SNX31: variants seen among roughly 807,000 people sequenced by gnomAD.
SNX31 encodes sorting nexin-31.
In SNX31, 58 loss-of-function variants were observed where a neutral mutation model predicts 65.4. That is an observed-to-expected ratio of 0.89 (90% CI 0.72 to 1.10). SNX31 has a LOEUF of 1.10. SNX31 is among the 50% of genes least tolerant of loss of function. The pLI is 0.00. For synonymous variants in SNX31, 181 were observed against 190.1 expected, an observed-to-expected ratio of 0.95 and a Z score of 0.39; for missense variants, 523 against 529.7, an observed-to-expected ratio of 0.99 and a Z score of 0.12.
Position 100,630,229 on chromosome 8 carries a change from CTG to C in SNX31, c.321+96_321+97del. On this transcript the variant is annotated intron_variant, in intron 4 of 13. Transcript: ENST00000311812. The surrounding 1 kb of genome is among the most constrained non-coding windows in gnomAD (Gnocchi z 5.3). Reference sequence around the variant, plus strand: ...TTGTCCAAGTCCAGGCTCTGTGGGGCTGTGACCAGTGCACACATGTGTGTGTA... The same window carrying C: ...TTGTCCAAGTCCAGGCTCTGTGGGGCTGACCAGTGCACACATGTGTGTGTA... The C allele has an allele frequency of 9.4e-7, 1 of 1,066,240 alleles. No individual in the cohort carries two copies. Among genetic ancestry groups the C allele is most frequent in the Middle Eastern group, 2.1e-4 (1 of 4,876 alleles). The allele number at this position is 1,066,240 out of a possible 1,614,324, so 66.0% of individuals were successfully genotyped here. A position where few individuals can be genotyped will look rare whatever the true frequency, so the allele number is the denominator to read the frequency against.
intron 8 of SNX31, among the ~76,000 whole-genome samples, chr8:100,603,522 G>A (rs980549538): frequency 6.7e-6 from 1 of 149,124 alleles, no homozygotes; most frequent in South Asian, 2.1e-4. Flanking sequence ...TGCAACCTCC[G>A]CCTCCCGGGT....
intron 7 of SNX31, 128 bp from the exon 8 acceptor site, chr8:100,608,691 T>C: frequency 2.6e-6 from 2 of 758,898 alleles, no homozygotes; most frequent in Non-Finnish European, 4.5e-6. Flanking sequence ...AAGCCACACC[T>C]CCACTTGCCC....
Position 100,573,807 on chromosome 8 carries a change from A to C in SNX31, c.*58T>G. 1 of 1,252,392 alleles carries C rather than the reference A, an allele frequency of 8.0e-7. No individual in the cohort carries two copies. Among genetic ancestry groups the C allele is most frequent in the African/African-American group, 1.5e-5 (1 of 65,030 alleles). The allele number at this position is 1,252,392 out of a possible 1,614,324, so 77.6% of individuals were successfully genotyped here. ...GGTAGGTAGCCCACCTGAATCCCCA[A>C]GTTCTTTCACTGTCTTGAGATAGCC... On this transcript the variant is annotated 3_prime_UTR_variant, in exon 14 of 14. Coordinates refer to ENST00000311812, the MANE Select transcript of SNX31 (RefSeq NM_152628.4).
At chr8:100,600,474 C>A (rs778027885) in intron 8 of SNX31, 33 bp from the exon 9 acceptor site, 2 of 1,565,908 alleles carry the variant, frequency 1.3e-6, no homozygotes, top group South Asian at 2.3e-5. Flanking sequence ...AATTAGCAGT[C>A]TTAGCAGAAA....
chr8:100,604,980 C>A lies in SNX31; in HGVS notation c.681+3514G>T, dbSNP rs963738821. On this transcript the variant is annotated intron_variant, in intron 8 of 13. Coordinates refer to ENST00000311812, the MANE Select transcript of SNX31 (RefSeq NM_152628.4). This position sits in a 1 kb window ranked among gnomAD's most constrained non-coding sequence, Gnocchi z 4.3. The stretch of plus-strand genomic sequence containing the variant: ...GTGACATATTCTTGGCTCCCTGCAA[C>A]CTCTGCCTCCTGGGTTCAAGAGATT... Among the ~76,000 whole-genome samples, 1 of 151,982 alleles carries A rather than the reference C, an allele frequency of 6.6e-6. No homozygotes were observed. The highest frequency in any genetic ancestry group is 2.4e-5 in the African/African-American group (1 of 41,358).
intron 8 of SNX31, 139 bp downstream of exon 8, chr8:100,608,355 G>C (rs1816377487): frequency 1.4e-6 from 1 of 736,490 alleles, no homozygotes; most frequent in Non-Finnish European, 2.3e-6. Context: ...GGTAATCTCT[G>C]TTCTACTTTC....
Position 100,649,624 on chromosome 8 carries a change from A to G in SNX31, c.-110T>C, listed in dbSNP as rs1410042076. ...CGCAGCGCGGCCTGCCACGCGACTC[A>G]GAGCGAACCCCGGCGCCCGCTCTCG... On this transcript the variant is annotated 5_prime_UTR_variant, in exon 1 of 14. It removes the in-frame stop codon of an upstream open reading frame in the 5' UTR. Coordinates refer to ENST00000311812, the MANE Select transcript of SNX31 (RefSeq NM_152628.4). The G allele has an allele frequency of 5.5e-6, 6 of 1,095,206 alleles. No individual in the cohort carries two copies. Among genetic ancestry groups the G allele is most frequent in the Admixed American group, 2.8e-5 (1 of 36,344 alleles). 67.8% of individuals were successfully genotyped at this position (1,095,206 alleles called of 1,614,324 possible). A position where few individuals can be genotyped will look rare whatever the true frequency, so the allele number is the denominator to read the frequency against.
rs754688438 is a variant in SNX31, at chr8:100,617,706, T to G, written c.346A>C (p.Lys116Gln). ...QLNTFDIATK[K>Q]AYLDIFLPNE... ...GGCAGAAATATGTCCAGATAAGCTT[T>G]CTTGGTGGCGATGTCAAATGTATTC... is the stretch of plus-strand genomic sequence containing the variant. Residue 116 changes from lysine (K) to glutamine (Q), a missense_variant, in exon 5 of 14, where the codon AAA becomes CAA. Transcript: ENST00000311812. 6.8e-6 allele frequency: 11 copies of G among 1,613,302 alleles called. No individual in the cohort carries two copies. Among genetic ancestry groups the G allele is most frequent in the Admixed American group, 5.0e-5 (3 of 59,836 alleles).
At position 100,577,029 on chromosome 8, in the gene SNX31, T is replaced by G. The variant is rs138725410; in HGVS notation, c.1217A>C (p.Gln406Pro). 13 of 1,613,374 alleles carry G rather than the reference T, an allele frequency of 8.1e-6. No homozygotes were observed. Among genetic ancestry groups the G allele is most frequent in the Non-Finnish European group, 1.1e-5 (13 of 1,179,692 alleles). The change falls in exon 13 of 14, where the codon CAA becomes CCA. Residue 406 changes from glutamine to proline, a missense_variant. Transcript: ENST00000311812. Reference protein sequence around the residue: ...EQSKSKKYHIQQSQQKDYSSF... With the variant: ...EQSKSKKYHIPQSQQKDYSSF... ...ATTTTACTCACAGACCTGGCTTTGT[T>G]GAATGTGGTATTTTTTACTTTTGCT...
At chr8:100,628,618 A>G (rs1269487094) in intron 4 of SNX31, among the ~76,000 whole-genome samples, 1 of 152,136 alleles carries the variant, frequency 6.6e-6, no homozygotes, top group Non-Finnish European at 1.5e-5. Context: ...GAGGGATAGC[A>G]TTAGGATATA....
chr8:100,633,319 A>G (rs1382379159), intron 3 of SNX31, among the ~76,000 whole-genome samples: 2 of 152,176 alleles, frequency 1.3e-5, no homozygotes, highest in African/African-American at 2.4e-5. Context: ...TTATTGTATC[A>G]ATGTTGTTTC....
rs544911858 is a variant in SNX31, at chr8:100,624,870, T to G, written c.321+5457A>C. 2.6e-5 allele frequency among the ~76,000 whole-genome samples: 4 copies of G among 152,106 alleles called. No homozygotes were observed. The East Asian group carries it at 7.7e-4, about 29-fold the overall frequency. ...AGGCTGGAGTACAGTGGGCTGATCA[T>G]AGCTCACCGTAGCCTCAAAGCTCTG... is the stretch of plus-strand genomic sequence containing the variant. On this transcript the variant is annotated intron_variant, in intron 4 of 13. Transcript: ENST00000311812.
At chr8:100,621,353 G>A (rs369218136) in intron 4 of SNX31, among the ~76,000 whole-genome samples, 1 of 152,170 alleles carries the variant, frequency 6.6e-6, no homozygotes, top group African/African-American at 2.4e-5. Flanking sequence ...CTATATGGCT[G>A]CCCTAGCTCT....
intron 3 of SNX31, among the ~76,000 whole-genome samples, chr8:100,632,654 A>T (rs1231534710): frequency 6.6e-6 from 1 of 152,044 alleles, no homozygotes; most frequent in Admixed American, 6.5e-5. Context: ...CAGGGTCTCC[A>T]TCTGTCACCC....
chr8:100,630,394 G>C lies in SNX31; in HGVS notation c.257-3C>G. ...CAACACGTTTGGGTCCATGGTTACT[G>C]AAAAACATGGACGGTGAGCCAGGTT... On this transcript the variant is annotated splice_region_variant and splice_polypyrimidine_tract_variant and intron_variant, in intron 3 of 13. Transcript: ENST00000311812. The surrounding 1 kb of genome is among the most constrained non-coding windows in gnomAD (Gnocchi z 5.3). The C allele has an allele frequency of 6.2e-7, 1 of 1,611,208 alleles. No individual in the cohort carries two copies. Among genetic ancestry groups the C allele is most frequent in the Non-Finnish European group, 8.5e-7 (1 of 1,179,016 alleles).
upstream of SNX31, among the ~76,000 whole-genome samples, chr8:100,649,952 GT>G (rs1041313047): frequency 5.9e-5 from 9 of 152,210 alleles, no homozygotes; most frequent in Non-Finnish European, 1.3e-4. Context: ...TGTTTGGTCA[GT>G]TTTTTTGTAC....
Position 100,581,031 on chromosome 8 carries a change from C to A in SNX31, c.1170+3080G>T, listed in dbSNP as rs1813450980. Reference sequence around the variant, plus strand: ...CCTTTAAGGGCCAGGTACAGTGGCTCATGTCTGTTATCTCAGCAATTTGGG... The same window carrying A: ...CCTTTAAGGGCCAGGTACAGTGGCTAATGTCTGTTATCTCAGCAATTTGGG... On this transcript the variant is annotated intron_variant, in intron 12 of 13. Transcript: ENST00000311812. 1.3e-5 allele frequency among the ~76,000 whole-genome samples: 2 copies of A among 149,928 alleles called. 1 individual carries two copies. Among genetic ancestry groups the A allele is most frequent in the South Asian group, 4.2e-4 (2 of 4,772 alleles).
chr8:100,615,845 C>T (rs890155868), intron 5 of SNX31, among the ~76,000 whole-genome samples: 2 of 152,220 alleles, frequency 1.3e-5, no homozygotes, highest in Non-Finnish European at 2.9e-5. Flanking sequence ...TCTCGGCTCA[C>T]TGCAAGCTCC....
intron 11 of SNX31, 33 bp from the exon 12 acceptor site, chr8:100,584,221 C>A (rs1323182835): frequency 6.5e-7 from 1 of 1,547,310 alleles, no homozygotes; most frequent in Admixed American, 2.0e-5. Flanking sequence ...ACTCTTGTAA[C>A]CGAAGAAATC....
Sources: allele counts gnomAD v4.1 joint callset (sites outside exome capture counted in the v4.1 genomes callset), GRCh38; gene constraint gnomAD v4.1.1; non-coding constraint Gnocchi (gnomAD v3.1); transcripts MANE v1.5; gene names NCBI Gene and HGNC (gene_info 2026-07-23, HGNC 2026-07-21).